MARK1: variants seen among roughly 807,000 people sequenced by gnomAD.
MARK1 encodes microtubule affinity regulating kinase 1.
A neutral mutation model predicts 96.3 loss-of-function variants in MARK1; 40 were observed. That is an observed-to-expected ratio of 0.42 (90% CI 0.32 to 0.54). The LOEUF (loss-of-function observed/expected upper bound fraction) is 0.54, where lower values mean the gene tolerates loss of function less well. Among genes scored for constraint, MARK1 ranks in the 20% least tolerant of loss-of-function variants. MARK1 has a pLI of 0.16. For missense variants in MARK1, 719 were observed against 984.6 expected (o/e 0.73, Z 3.61); for synonymous variants, 317 against 341.2 (o/e 0.93, Z 0.78).
At chr1:220,646,039 G>A (rs1176564258) in intron 13 of MARK1, among the ~76,000 whole-genome samples, 2 of 152,084 alleles carry the variant, frequency 1.3e-5, no homozygotes, top group South Asian at 4.1e-4. Context: ...ATACAACATA[G>A]TATTGGAAGT....
Position 220,635,991 on chromosome 1 carries a change from G to A in MARK1, c.1435G>A (p.Gly479Arg). The A allele has an allele frequency of 6.2e-7, 1 of 1,612,482 alleles. No individual in the cohort carries two copies. The highest frequency in any genetic ancestry group is 8.5e-7 in the Non-Finnish European group (1 of 1,179,514). ...CGAGATGACTGCAAGCCCTCTTGTA[G>A]GGCCAGAGAGGAAAAAATCTTCAAC... ...KSEMTASPLV[G>R]PERKKSSTIP... The change falls in exon 13 of 18, where the codon GGG becomes AGG. Residue 479 changes from glycine (G) to arginine (R), a missense_variant. Gly to Arg is a moderately radical substitution (Grantham distance 125, BLOSUM62 -2). Coordinates refer to ENST00000366917, the MANE Select transcript of MARK1 (RefSeq NM_018650.5).
intron 1 of MARK1, among the ~76,000 whole-genome samples, chr1:220,575,664 T>TA (rs1417514932): frequency 1.3e-5 from 2 of 152,028 alleles, no homozygotes; most frequent in Non-Finnish European, 2.9e-5. Context: ...ATATGTAATA[T>TA]AAAATATATG....
chr1:220,604,158 C>T (rs1665922964), intron 6 of MARK1, 21 bp downstream of exon 6: 1 of 1,548,748 alleles, frequency 6.5e-7, no homozygotes, highest in Non-Finnish European at 8.9e-7. Flanking sequence ...TAGTTTTCAA[C>T]TTTGTTTTGC....
chr1:220,599,892 C>T, intron 5 of MARK1, 29 bp downstream of exon 5: 1 of 1,493,886 alleles, frequency 6.7e-7, no homozygotes, highest in Non-Finnish European at 9.3e-7. Flanking sequence ...GAAAAGTTCT[C>T]TTTGCTGAGA....
intron 1 of MARK1, among the ~76,000 whole-genome samples, chr1:220,561,603 G>T (rs1380994114): frequency 6.6e-6 from 1 of 152,106 alleles, no homozygotes; most frequent in Non-Finnish European, 1.5e-5. Flanking sequence ...AATGTGACAG[G>T]ATTTAAGCAC....
At chr1:220,627,284 A>G (rs973041046) in intron 9 of MARK1, 4 of 501,702 alleles carry the variant, frequency 8.0e-6, no homozygotes, top group African/African-American at 3.9e-5. Flanking sequence ...GAGGTGAGAG[A>G]GGGTGGCCAC....
chr1:220,606,098 CCA>C (rs1198521296), intron 6 of MARK1, among the ~76,000 whole-genome samples: 1 of 152,164 alleles, frequency 6.6e-6, no homozygotes, highest in Non-Finnish European at 1.5e-5. Flanking sequence ...ACACTGTTTT[CCA>C]CAATGATTGA....
At chr1:220,625,985 CA>C (rs1667303873) in intron 9 of MARK1, 1 of 548,592 alleles carries the variant, frequency 1.8e-6, no homozygotes, top group Non-Finnish European at 3.7e-6. Context: ...TCTTCAGATA[CA>C]TGTTCGAGCA....
chr1:220,650,782 GA>G (rs1239986111), intron 14 of MARK1, 62 bp downstream of exon 14: 1 of 1,163,620 alleles, frequency 8.6e-7, no homozygotes, highest in East Asian at 2.4e-5. Context: ...TGCCCTTGCT[GA>G]AATGCCTGCA....
intron 1 of MARK1, among the ~76,000 whole-genome samples, chr1:220,558,930 C>A (rs1429699573): frequency 6.6e-6 from 1 of 152,098 alleles, no homozygotes; most frequent in Non-Finnish European, 1.5e-5. Context: ...TATTACCCTA[C>A]ATACACATAT....
intron 10 of MARK1, 111 bp downstream of exon 10, chr1:220,631,245 A>G (rs1667666367): frequency 3.6e-6 from 2 of 561,442 alleles, no homozygotes; most frequent in Non-Finnish European, 6.3e-6. Flanking sequence ...TTTATTTGAA[A>G]AATACTTGCA....
rs1016732465 is a variant in MARK1 at position 220,531,623 on chromosome 1, T to G, written c.51+2750T>G. On this transcript the variant is annotated intron_variant, in intron 1 of 17. Coordinates refer to ENST00000366917, the MANE Select transcript of MARK1 (RefSeq NM_018650.5). ...AGAGGAATATTATAGCACTGATCTCTTATATACTACTGCTATATATAGTAG... is the reference window on the plus strand; with the variant it reads ...AGAGGAATATTATAGCACTGATCTCGTATATACTACTGCTATATATAGTAG... 2.6e-5 allele frequency among the ~76,000 whole-genome samples: 4 copies of G among 152,148 alleles called. No individual in the cohort carries two copies. In the East Asian group the frequency reaches 5.8e-4, roughly 22 times the overall value.
At chr1:220,590,191 G>A (rs886324659) in intron 3 of MARK1, among the ~76,000 whole-genome samples, 4 of 152,234 alleles carry the variant, frequency 2.6e-5, no homozygotes, top group Admixed American at 2.6e-4. Context: ...GGGTTTAGGG[G>A]AGTCTTGGAG....
At chr1:220,658,764 T>C (rs553659779) in intron 17 of MARK1, among the ~76,000 whole-genome samples, 94 of 152,208 alleles carry the variant, frequency 6.2e-4, no homozygotes, top group Non-Finnish European at 1.2e-3. Context: ...ACTATAGCAT[T>C]CCCATGTAGT....
At chr1:220,595,134 G>C (rs1665247479) in intron 3 of MARK1, among the ~76,000 whole-genome samples, 1 of 152,240 alleles carries the variant, frequency 6.6e-6, no homozygotes, top group South Asian at 2.1e-4. Flanking sequence ...TGTACTTCCT[G>C]CTCAATTTTG....
intron 12 of MARK1, 136 bp downstream of exon 12, chr1:220,635,665 A>C (rs773744200): frequency 8.5e-7 from 1 of 1,181,342 alleles, no homozygotes; most frequent in Admixed American, 2.9e-5. Flanking sequence ...AATTATAAAT[A>C]TAATCCCTTT....
At chr1:220,552,073 T>C (rs1661900764) in intron 1 of MARK1, among the ~76,000 whole-genome samples, 1 of 152,216 alleles carries the variant, frequency 6.6e-6, no homozygotes, top group East Asian at 1.9e-4. Flanking sequence ...CATTATGTAA[T>C]AGCAACCTAA....
rs760536183 is a variant in MARK1 at position 220,579,353 on chromosome 1, G to T, written c.52-1G>T. 6.2e-7 allele frequency: 1 copy of T among 1,609,956 alleles called. No individual in the cohort carries two copies. ...ATGAAATCTTGTAAACTTTTTCTTAGCATACATCTGTGGATGGATATACTG... is the reference window on the plus strand; with the variant it reads ...ATGAAATCTTGTAAACTTTTTCTTATCATACATCTGTGGATGGATATACTG... On this transcript the variant is annotated splice_acceptor_variant, in intron 1 of 17. Transcript: ENST00000366917. LOFTEE classifies it high-confidence loss of function.
intron 16 of MARK1, 101 bp from the exon 17 acceptor site, chr1:220,657,689 A>C: frequency 2.6e-6 from 2 of 762,638 alleles, no homozygotes; most frequent in Non-Finnish European, 4.1e-6. Context: ...TCATGGTAGA[A>C]GTTTGCTCAA....
Sources: allele counts gnomAD v4.1 joint callset (sites outside exome capture counted in the v4.1 genomes callset), GRCh38; gene constraint gnomAD v4.1.1; transcripts MANE v1.5; gene names NCBI Gene and HGNC (gene_info 2026-07-23, HGNC 2026-07-21).